PYROXD1: variants seen among roughly 807,000 people sequenced by gnomAD.
The protein encoded by PYROXD1 is tRNA ligase complex-associated NAD(P)H dehydrogenase PYROXD1.
Under a neutral mutation model 62.0 loss-of-function variants are expected in PYROXD1, and 42 were observed. That is an observed-to-expected ratio of 0.68 (90% CI 0.53 to 0.88). The LOEUF (loss-of-function observed/expected upper bound fraction) is 0.88, where lower values mean the gene tolerates loss of function less well. PYROXD1 is among the 40% of genes least tolerant of loss of function. The pLI is 0.00. For synonymous variants in PYROXD1, 170 were observed against 206.4 expected, an observed-to-expected ratio of 0.82 and a Z score of 1.51; for missense variants, 493 against 604.8, an observed-to-expected ratio of 0.82 and a Z score of 1.94.
chr12:21,451,227 C>CTT (rs1179988170), intron 4 of PYROXD1, among the ~76,000 whole-genome samples: 6 of 107,700 alleles, frequency 5.6e-5, no homozygotes, highest in South Asian at 2.8e-4. Context: ...GCTTCTCTCT[C>CTT]TCTTTTTTTT....
intron 5 of PYROXD1, chr12:21,454,893 T>A (rs1464522480): frequency 3.5e-6 from 1 of 284,860 alleles, no homozygotes; most frequent in Non-Finnish European, 6.5e-6. Context: ...TGATATTCAG[T>A]ACATGTATTT....
chr12:21,455,627 T>C (rs1942582009), intron 6 of PYROXD1, among the ~76,000 whole-genome samples: 1 of 151,758 alleles, frequency 6.6e-6, no homozygotes, highest in Non-Finnish European at 1.5e-5. Flanking sequence ...TTTTTAAGTT[T>C]GATAGCTTTG....
rs376228368 is a variant in PYROXD1, at chr12:21,437,761, G to C, written c.31G>C (p.Gly11Arg). 33 of 1,613,348 alleles carry C rather than the reference G, an allele frequency of 2.0e-5. No individual in the cohort carries two copies. The highest frequency in any genetic ancestry group is 1.5e-4 in the Admixed American group (9 of 59,976). MEAARPPPTA[G>R]KFVVVGGGIA... ...GGCAGCGCGCCCTCCCCCGACGGCA[G>C]GGAAGTTCGTGGTGGTCGGCGGCGG... is the stretch of plus-strand genomic sequence containing the variant. The change falls in exon 1 of 12, where the codon GGG (glycine) becomes CGG (arginine). Residue 11 changes from glycine (G) to arginine (R), a missense_variant. Transcript: ENST00000240651.
chr12:21,448,370 C>T (rs574078306), intron 3 of PYROXD1: 4 of 247,636 alleles, frequency 1.6e-5, no homozygotes, highest in East Asian at 7.5e-5. Context: ...TTTACTTTCA[C>T]GTCTCTTGCC....
intron 10 of PYROXD1, among the ~76,000 whole-genome samples, chr12:21,464,774 G>A (rs1157516701): frequency 2.7e-5 from 4 of 150,868 alleles, no homozygotes; most frequent in African/African-American, 9.8e-5. Flanking sequence ...TGTACACAAC[G>A]TGCAAGTTTG....
At chr12:21,461,291 A>C in intron 8 of PYROXD1, 137 bp downstream of exon 8, 1 of 548,886 alleles carries the variant, frequency 1.8e-6, no homozygotes, top group Non-Finnish European at 3.0e-6. Flanking sequence ...TAAAACCATA[A>C]TTTAATAACA....
intron 3 of PYROXD1, among the ~76,000 whole-genome samples, chr12:21,446,341 C>T (rs1387976473): frequency 2.6e-5 from 4 of 151,960 alleles, no homozygotes; most frequent in Non-Finnish European, 4.4e-5. Flanking sequence ...AGGAGAATGG[C>T]GTGAACCCGG....
chr12:21,463,819 T>C (rs1275790786), intron 10 of PYROXD1, among the ~76,000 whole-genome samples: 1 of 151,842 alleles, frequency 6.6e-6, no homozygotes, highest in East Asian at 1.9e-4. Context: ...ACAAAAATAC[T>C]AGAGGAAGAT....
chr12:21,442,870 C>T (rs1942321493), intron 2 of PYROXD1, among the ~76,000 whole-genome samples: 1 of 152,216 alleles, frequency 6.6e-6, no homozygotes, highest in African/African-American at 2.4e-5. Flanking sequence ...CTAGCTATCT[C>T]CTAGTTTCTC....
chr12:21,464,675 A>G (rs1027499075), intron 10 of PYROXD1, among the ~76,000 whole-genome samples: 2 of 151,884 alleles, frequency 1.3e-5, no homozygotes, highest in Admixed American at 6.6e-5. Context: ...AGTTAAATAT[A>G]TATGTAGATC....
At chr12:21,467,700 T>A in intron 11 of PYROXD1, 82 bp downstream of exon 11, 2 of 1,095,646 alleles carry the variant, frequency 1.8e-6, no homozygotes, top group Non-Finnish European at 2.6e-6. Flanking sequence ...CTTGCTTGAA[T>A]AAAAACGTAC....
Position 21,460,943 on chromosome 12 carries a change from G to A in PYROXD1, c.751-82G>A, listed in dbSNP as rs567194445. The A allele has an allele frequency of 4.8e-6, 4 of 841,932 alleles. No homozygotes were observed. The East Asian group carries it at 8.6e-5, about 18-fold the overall frequency. 52.2% of individuals were successfully genotyped at this position (841,932 alleles called of 1,614,324 possible). On this transcript the variant is annotated intron_variant, in intron 7 of 11. Coordinates refer to ENST00000240651, the MANE Select transcript of PYROXD1 (RefSeq NM_024854.5). The stretch of plus-strand genomic sequence containing the variant: ...TTATGTTTTCTATACATTTCTACAA[G>A]TATACGTTTTTTCTTCATCATTAGT...
rs150680552 is a variant in PYROXD1, at chr12:21,471,091, A to T, written c.*2337A>T. 25 of 1,579,596 alleles carry T rather than the reference A, an allele frequency of 1.6e-5. No homozygotes were observed. In the African/African-American group the frequency reaches 3.4e-4, roughly 22 times the overall value. On this transcript the variant is annotated 3_prime_UTR_variant, in exon 12 of 12. Transcript: ENST00000240651. ...ATGGTAGCATAAGCTGTAAAACTGTAGTCTTCTCTGCAGAAAATAAAGGCC... is the reference window on the plus strand; with the variant it reads ...ATGGTAGCATAAGCTGTAAAACTGTTGTCTTCTCTGCAGAAAATAAAGGCC...
intron 7 of PYROXD1, 157 bp from the exon 8 acceptor site, chr12:21,460,868 G>A: frequency 4.6e-6 from 2 of 433,182 alleles, no homozygotes; most frequent in Non-Finnish European, 8.1e-6. Flanking sequence ...CATGTGCATA[G>A]AGAGACTTAT....
intron 7 of PYROXD1, among the ~76,000 whole-genome samples, chr12:21,458,369 ATCT>A (rs1942636989): frequency 6.6e-6 from 1 of 152,090 alleles, no homozygotes; most frequent in African/African-American, 2.4e-5. Context: ...GGCTGATTTG[ATCT>A]TCTCTCCACA....
intron 10 of PYROXD1, among the ~76,000 whole-genome samples, chr12:21,463,969 T>C (rs1226096051): frequency 1.3e-5 from 2 of 152,170 alleles, no homozygotes; most frequent in East Asian, 3.9e-4. Flanking sequence ...CAGTGTGAAG[T>C]AGGAGAAGAG....
chr12:21,459,718 T>G lies in PYROXD1; in HGVS notation c.751-1307T>G, dbSNP rs550438112. ...TAGAGGACAGCCAGATGGTGTCCTG[T>G]GCAGAATTAATTGCTTGCTTAGTGT... On this transcript the variant is annotated intron_variant, in intron 7 of 11. Transcript: ENST00000240651. Among the ~76,000 whole-genome samples, 4 of 152,352 alleles carry G rather than the reference T, an allele frequency of 2.6e-5. No homozygotes were observed. The East Asian group carries it at 7.7e-4, about 29-fold the overall frequency.
At chr12:21,441,855 G>C (rs1487680348) in intron 2 of PYROXD1, among the ~76,000 whole-genome samples, 1 of 152,224 alleles carries the variant, frequency 6.6e-6, no homozygotes, top group African/African-American at 2.4e-5. Context: ...GCTGTTTTCA[G>C]AAGTATGGGC....
rs1469068147 is a variant in PYROXD1, at chr12:21,437,735, A to T, written c.5A>T (p.Glu2Val). 4 of 1,611,858 alleles carry T rather than the reference A, an allele frequency of 2.5e-6. No homozygotes were observed. Among genetic ancestry groups the T allele is most frequent in the Non-Finnish European group, 3.4e-6 (4 of 1,179,374 alleles). Residue 2 changes from glutamate (E) to valine (V), a missense_variant, in exon 1 of 12, where the codon GAG (glutamate) becomes GTG (valine). Glu to Val is a moderately radical substitution (Grantham distance 121). Coordinates refer to ENST00000240651, the MANE Select transcript of PYROXD1 (RefSeq NM_024854.5). The stretch of plus-strand genomic sequence containing the variant: ...AACCACTGGGAGTCCGGCAGCATGG[A>T]GGCAGCGCGCCCTCCCCCGACGGCA... Reference protein sequence around the residue: MEAARPPPTAGK... With the variant: MVAARPPPTAGK...
Sources: allele counts gnomAD v4.1 joint callset (sites outside exome capture counted in the v4.1 genomes callset), GRCh38; gene constraint gnomAD v4.1.1; transcripts MANE v1.5; gene names NCBI Gene and HGNC (gene_info 2026-07-23, HGNC 2026-07-21).